Variants in NHSL2 observed in about 807,000 individuals in gnomAD.
NHSL2 encodes the protein NHS like 2, also known as NHS-like protein 2.
Under a neutral mutation model 53.4 loss-of-function variants are expected in NHSL2, and 27 were observed. That is an observed-to-expected ratio of 0.51 (90% CI 0.37 to 0.70). The LOEUF is 0.70. Among genes scored for constraint, NHSL2 ranks in the 30% least tolerant of loss-of-function variants. NHSL2 has a pLI of 0.00. For missense variants in NHSL2, 892 were observed against 980.1 expected (o/e 0.91, Z 1.20); for synonymous variants, 408 against 404.1 (o/e 1.01, Z -0.12).
In NHSL2 at chrX:71,911,151, C is replaced by A; in HGVS notation, c.64C>A (p.Leu22Met). 8.9e-7 allele frequency: 1 copy of A among 1,125,421 alleles called. No homozygotes were observed. Among genetic ancestry groups the A allele is most frequent in the Middle Eastern group, 3.0e-4 (1 of 3,337 alleles). 92.7% of individuals were successfully genotyped at this position (1,125,421 alleles called of 1,213,427 possible). The change falls in exon 1 of 8, where the codon CTG (leucine) becomes ATG (methionine). Residue 22 changes from leucine to methionine, a missense_variant. Transcript: ENST00000633930. ...RLCPRNPPQQ[L>M]AELRDVSHLA... ...GTGCCCGCGCAACCCGCCGCAGCAG[C>A]TGGCGGAGCTCCGCGACGTGAGCCA...
chrX:72,049,009 AGAAGAG>A (rs879168606), intron 1 of NHSL2, among the ~76,000 whole-genome samples: 2,255 of 86,099 alleles, frequency 0.026, 83 homozygotes, highest in African/African-American at 0.1. Context: ...AAGAAGAAGA[AGAAGAG>A]GAAGAGGAAG....
chrX:72,026,815 C>T (rs780315054), intron 1 of NHSL2, among the ~76,000 whole-genome samples: 6 of 112,143 alleles, frequency 5.4e-5, no homozygotes, highest in East Asian at 5.6e-4. Flanking sequence ...AGATCACATC[C>T]GGATTCCACC....
At chrX:72,095,590 C>T (rs2041937501) in intron 1 of NHSL2, among the ~76,000 whole-genome samples, 1 of 112,361 alleles carries the variant, frequency 8.9e-6, no homozygotes, top group Non-Finnish European at 1.9e-5. Context: ...AGGGAATCCC[C>T]ACAGGACTTG....
intron 1 of NHSL2, among the ~76,000 whole-genome samples, chrX:71,990,759 C>T (rs1371922706): frequency 8.9e-6 from 1 of 112,267 alleles, no homozygotes; most frequent in African/African-American, 3.2e-5. Flanking sequence ...CCTGCTCAGA[C>T]TTCCCCAAGG....
chrX:72,043,245 A>G (rs1343053859), intron 1 of NHSL2, among the ~76,000 whole-genome samples: 1 of 111,684 alleles, frequency 9.0e-6, no homozygotes. Flanking sequence ...TAACCCATGC[A>G]CACACATAAT....
intron 1 of NHSL2, among the ~76,000 whole-genome samples, chrX:72,117,123 A>G (rs2042145423): frequency 9.1e-6 from 1 of 109,678 alleles, no homozygotes; most frequent in African/African-American, 3.3e-5. Flanking sequence ...TCACATAGGC[A>G]TGCTACTCTC....
intron 4 of NHSL2, 86 bp downstream of exon 4, chrX:72,134,790 G>A: frequency 5.7e-6 from 4 of 696,307 alleles, no homozygotes; most frequent in Non-Finnish European, 8.6e-6. Flanking sequence ...TTGGGGGAGG[G>A]AAGTGAGACT....
rs183015174 is a variant in NHSL2, at chrX:72,120,255, G to A, written c.281-11824G>A. Among the ~76,000 whole-genome samples, 418 of 112,333 alleles carry A rather than the reference G, an allele frequency of 3.7e-3. 2 individuals carry two copies. The highest frequency in any genetic ancestry group is 6.7e-3 in the Non-Finnish European group (355 of 53,256). On this transcript the variant is annotated intron_variant, in intron 1 of 7. Transcript: ENST00000633930. ...AAGTATTACCTCCTCTATATAGCTT[G>A]TGAAGAATGGGCATTAATTCTTCTT... is the stretch of plus-strand genomic sequence containing the variant.
intron 1 of NHSL2, among the ~76,000 whole-genome samples, chrX:71,923,750 T>C (rs1286296176): frequency 8.9e-6 from 1 of 111,956 alleles, no homozygotes; most frequent in Non-Finnish European, 1.9e-5. Context: ...GACGTGGCTG[T>C]GCTGCTCCTG....
At chrX:71,941,191 G>T (rs1044887692) in intron 1 of NHSL2, among the ~76,000 whole-genome samples, 1 of 111,674 alleles carries the variant, frequency 9.0e-6, no homozygotes, top group Non-Finnish European at 1.9e-5. Context: ...ATGTGTGTGT[G>T]TCTGTGTGTC....
At chrX:72,035,480 T>C (rs2042236630) in intron 1 of NHSL2, among the ~76,000 whole-genome samples, 2 of 111,997 alleles carry the variant, frequency 1.8e-5, no homozygotes, top group Admixed American at 1.9e-4. Flanking sequence ...CCAACTATAA[T>C]TGTGGATTCA....
chrX:71,992,849 C>T (rs186974853), intron 1 of NHSL2, among the ~76,000 whole-genome samples: 52 of 111,646 alleles, frequency 4.7e-4, no homozygotes, highest in African/African-American at 1.6e-3. Context: ...GACTGAAGAC[C>T]GTGAACACAG....
chrX:72,078,812 A>G lies in NHSL2; in HGVS notation c.281-53267A>G, dbSNP rs373467107. 1.3e-4 allele frequency among the ~76,000 whole-genome samples: 15 copies of G among 112,300 alleles called. No homozygotes were observed. The East Asian group carries it at 3.3e-3, about 25-fold the overall frequency. ...GGGGATTTCACCTCAGTCTTTTTATATGGCTTCTGTACCATGCTGTACAAA... is the reference window on the plus strand; with the variant it reads ...GGGGATTTCACCTCAGTCTTTTTATGTGGCTTCTGTACCATGCTGTACAAA... On this transcript the variant is annotated intron_variant, in intron 1 of 7. Transcript: ENST00000633930.
intron 1 of NHSL2, among the ~76,000 whole-genome samples, chrX:72,032,171 C>A (rs1199483292): frequency 9.0e-6 from 1 of 111,379 alleles, no homozygotes; most frequent in Non-Finnish European, 1.9e-5. Context: ...TTGGGCGGAT[C>A]ACCTGAGGTC....
At position 72,134,513 on chromosome X, in the gene NHSL2, C is replaced by T. The variant is rs2042337859; in HGVS notation, c.569C>T (p.Thr190Ile). Residue 190 changes from threonine (T) to isoleucine (I), a missense_variant, in exon 4 of 8, where the codon ACA (threonine) becomes ATA (isoleucine). Thr to Ile is a moderately conservative substitution (Grantham distance 89). Transcript: ENST00000633930. ...ARRLEFILMP[T>I]KRQLSEDETT... ...CATCACCTTCTCTCCCAACAGCCTA[C>T]AAAACGGCAGCTGAGCGAGGATGAG... 1 of 1,164,316 alleles carries T rather than the reference C, an allele frequency of 8.6e-7. No homozygotes were observed. Among genetic ancestry groups the T allele is most frequent in the Admixed American group, 2.6e-5 (1 of 38,697 alleles).
At chrX:72,095,393 G>T (rs1304276594) in intron 1 of NHSL2, among the ~76,000 whole-genome samples, 1 of 112,504 alleles carries the variant, frequency 8.9e-6, no homozygotes, top group Non-Finnish European at 1.9e-5. Flanking sequence ...TTATGTAGCT[G>T]CCATGTGGTA....
At chrX:72,073,540 G>C (rs778296587) in intron 1 of NHSL2, among the ~76,000 whole-genome samples, 1 of 112,293 alleles carries the variant, frequency 8.9e-6, no homozygotes, top group African/African-American at 3.2e-5. Flanking sequence ...GCATCCCATA[G>C]AGAAGAGAAA....
At chrX:72,042,697 G>C (rs1349024726) in intron 1 of NHSL2, among the ~76,000 whole-genome samples, 9 of 107,731 alleles carry the variant, frequency 8.4e-5, no homozygotes, top group Non-Finnish European at 1.5e-4. Context: ...TTAAGAGGCA[G>C]ACTCTTGGGA....
At chrX:71,985,594 T>C (rs1373320839) in intron 1 of NHSL2, among the ~76,000 whole-genome samples, 1 of 112,773 alleles carries the variant, frequency 8.9e-6, no homozygotes, top group African/African-American at 3.2e-5. Context: ...CCCAGGAATA[T>C]ACTTTACTCA....
Sources: allele counts gnomAD v4.1 joint callset (sites outside exome capture counted in the v4.1 genomes callset), GRCh38; gene constraint gnomAD v4.1.1; transcripts MANE v1.5; gene names NCBI Gene and HGNC (gene_info 2026-07-23, HGNC 2026-07-21).